Variants in SHISA6 observed in about 807,000 individuals in gnomAD.
SHISA6 encodes shisa family member 6, also known as protein shisa-6.
Under a neutral mutation model 47.9 loss-of-function variants are expected in SHISA6, and 22 were observed. The ratio of observed to expected loss-of-function variants is 0.46; its 90% CI spans 0.33 to 0.66. SHISA6 has a LOEUF of 0.66. SHISA6 is among the 30% of genes least tolerant of loss of function. The pLI, the probability that SHISA6 is intolerant of heterozygous loss-of-function variation, is 0.02. For synonymous variants in SHISA6, 388 were observed against 337.8 expected, an observed-to-expected ratio of 1.15 and a Z score of -1.63; for missense variants, 680 against 764.6, an observed-to-expected ratio of 0.89 and a Z score of 1.30.
In SHISA6 at chr17:11,538,306, C is replaced by G. The variant is rs951666970; in HGVS notation, c.896-13590C>G. On this transcript the variant is annotated intron_variant, in intron 3 of 5. Coordinates refer to ENST00000441885, the MANE Select transcript of SHISA6 (RefSeq NM_207386.4). ...CTCAACTCCTGACCTTGTGATCCAC[C>G]CGCTTCGGCCTCCCAAAGGGCTGGG... 5.3e-5 allele frequency among the ~76,000 whole-genome samples: 8 copies of G among 152,282 alleles called. No individual in the cohort carries two copies. The South Asian group carries it at 1.2e-3, about 24-fold the overall frequency.
chr17:11,462,956 G>A (rs187792159), intron 3 of SHISA6, among the ~76,000 whole-genome samples: 33 of 152,252 alleles, frequency 2.2e-4, no homozygotes, highest in African/African-American at 7.5e-4. Flanking sequence ...ACGAAGAAGC[G>A]TACAAATGCA....
At chr17:11,548,602 C>CT (rs1716139283) in intron 3 of SHISA6, among the ~76,000 whole-genome samples, 1 of 152,116 alleles carries the variant, frequency 6.6e-6, no homozygotes, top group Non-Finnish European at 1.5e-5. Flanking sequence ...TGCTAGGCAA[C>CT]TGACAGTGTG....
intron 2 of SHISA6, among the ~76,000 whole-genome samples, chr17:11,324,323 A>G (rs1910805379): frequency 6.6e-6 from 1 of 152,184 alleles, no homozygotes; most frequent in African/African-American, 2.4e-5. Context: ...AAGGAAAATT[A>G]TCTGTGAGCT....
At chr17:11,346,546 T>G (rs1480432220) in intron 2 of SHISA6, among the ~76,000 whole-genome samples, 4 of 152,204 alleles carry the variant, frequency 2.6e-5, no homozygotes, top group Admixed American at 1.3e-4. Flanking sequence ...AATTATAAAT[T>G]CTAAATAATA....
chr17:11,348,144 A>G (rs770492054), intron 2 of SHISA6, among the ~76,000 whole-genome samples: 33 of 152,334 alleles, frequency 2.2e-4, no homozygotes, highest in Non-Finnish European at 2.9e-4. Context: ...TTGAGAGTAC[A>G]TATGGTGAAA....
At chr17:11,424,507 G>C (rs1022883032) in intron 3 of SHISA6, among the ~76,000 whole-genome samples, 1 of 151,774 alleles carries the variant, frequency 6.6e-6, no homozygotes, top group Non-Finnish European at 1.5e-5. Flanking sequence ...AAAGCAAGCT[G>C]CAACAGGATA....
chr17:11,480,593 C>T (rs1392514106), intron 3 of SHISA6, among the ~76,000 whole-genome samples: 1 of 152,164 alleles, frequency 6.6e-6, no homozygotes, highest in African/African-American at 2.4e-5. Context: ...TTTTCCATCA[C>T]TATGCTCCCC....
At chr17:11,375,458 T>C (rs1000529885) in intron 2 of SHISA6, among the ~76,000 whole-genome samples, 1 of 152,186 alleles carries the variant, frequency 6.6e-6, no homozygotes, top group East Asian at 1.9e-4. Context: ...TCCTGATCAG[T>C]TTGTTTCCCC....
intron 3 of SHISA6, among the ~76,000 whole-genome samples, chr17:11,392,642 C>G (rs552293518): frequency 6.6e-6 from 1 of 152,174 alleles, no homozygotes; most frequent in Non-Finnish European, 1.5e-5. Flanking sequence ...CCACCAGAAT[C>G]GTGAGCGAAA....
chr17:11,251,648 G>A (rs1213646718), intron 1 of SHISA6, among the ~76,000 whole-genome samples: 2 of 152,128 alleles, frequency 1.3e-5, no homozygotes, highest in Non-Finnish European at 2.9e-5. Flanking sequence ...CTAACATCTA[G>A]CATCGTGCAT....
chr17:11,518,764 T>C (rs2071605653), intron 3 of SHISA6, among the ~76,000 whole-genome samples: 1 of 152,198 alleles, frequency 6.6e-6, no homozygotes, highest in Non-Finnish European at 1.5e-5. Flanking sequence ...ATTTTGAAAG[T>C]TCTGCATTCA....
chr17:11,418,456 C>T (rs183733848), intron 3 of SHISA6, among the ~76,000 whole-genome samples: 119 of 152,188 alleles, frequency 7.8e-4, no homozygotes, highest in Non-Finnish European at 1.4e-3. Context: ...TCATTCTGCA[C>T]CCTGCCCCTC....
chr17:11,367,770 A>T (rs1303453106), intron 2 of SHISA6, among the ~76,000 whole-genome samples: 3 of 152,170 alleles, frequency 2.0e-5, no homozygotes, highest in Non-Finnish European at 1.5e-5. Context: ...ACACAACTGG[A>T]TAAGGAGGCA....
At chr17:11,510,045 C>T (rs549268751) in intron 3 of SHISA6, among the ~76,000 whole-genome samples, 112 of 152,072 alleles carry the variant, frequency 7.4e-4, no homozygotes, top group African/African-American at 2.5e-3. Context: ...CACACACTTT[C>T]CTGCCTGCAG....
chr17:11,452,721 CTCTCTTCCCCT>C (rs1292990467), intron 3 of SHISA6, among the ~76,000 whole-genome samples: 384 of 146,590 alleles, frequency 2.6e-3, no homozygotes, highest in South Asian at 6.4e-3. Flanking sequence ...TCTCCTCTTC[CTCTCTTCCCCT>C]CCTCCTCCTC....
chr17:11,394,874 C>T (rs1011283527), intron 3 of SHISA6, among the ~76,000 whole-genome samples: 3 of 151,682 alleles, frequency 2.0e-5, no homozygotes, highest in Non-Finnish European at 2.9e-5. Flanking sequence ...CACAAATATA[C>T]ACATACATAC....
At chr17:11,522,167 G>T (rs564299501) in intron 3 of SHISA6, among the ~76,000 whole-genome samples, 2 of 151,674 alleles carry the variant, frequency 1.3e-5, no homozygotes, top group African/African-American at 2.4e-5. Context: ...GGGTTTCACC[G>T]TGTTAGCCAC....
chr17:11,511,035 A>G (rs733800), intron 3 of SHISA6, among the ~76,000 whole-genome samples: 2,473 of 152,260 alleles, frequency 0.016, 28 homozygotes, highest in Middle Eastern at 0.027. Flanking sequence ...TAAATTTGTG[A>G]CTATGAAATG....
At chr17:11,350,189 T>TTATTTTA (rs1567581140) in intron 2 of SHISA6, among the ~76,000 whole-genome samples, 4 of 138,128 alleles carry the variant, frequency 2.9e-5, no homozygotes, top group African/African-American at 1.1e-4. Context: ...TTTATTTTTT[T>TTATTTTA]TTTTTTTTGA....
Sources: allele counts gnomAD v4.1 joint callset (sites outside exome capture counted in the v4.1 genomes callset), GRCh38; gene constraint gnomAD v4.1.1; transcripts MANE v1.5; gene names NCBI Gene and HGNC (gene_info 2026-07-23, HGNC 2026-07-21).